HLA-DRB5: variants seen among roughly 807,000 people sequenced by gnomAD.
HLA-DRB5 encodes major histocompatibility complex, class II, DR beta 5, also known as DR beta-5.
A neutral mutation model predicts 22.4 loss-of-function variants in HLA-DRB5; 11 were observed. That is an observed-to-expected ratio of 0.49 (90% CI 0.31 to 0.81). HLA-DRB5 has a LOEUF of 0.81. Among genes scored for constraint, HLA-DRB5 ranks in the 40% least tolerant of loss-of-function variants. The pLI is 0.05. For synonymous variants in HLA-DRB5, 57 were observed against 106.0 expected (o/e 0.54, Z 2.84); for missense variants, 106 against 274.4 (o/e 0.39, Z 4.34).
chr6:32,529,385 GT>G (rs1770051917), intron 1 of HLA-DRB5, among the ~76,000 whole-genome samples: 1 of 36,626 alleles, frequency 2.7e-5, no homozygotes, highest in South Asian at 6.3e-4. Flanking sequence ...GTATAGAAAG[GT>G]TAAAAAAGAT....
At chr6:32,520,282 C>A (rs150400275) in intron 2 of HLA-DRB5, among the ~76,000 whole-genome samples, 1,043 of 36,888 alleles carry the variant, frequency 0.028, 27 homozygotes, top group Middle Eastern at 0.11. Flanking sequence ...ATAAAGGGAC[C>A]GAGTAGGGTA....
intron 4 of HLA-DRB5, 137 bp from the exon 5 acceptor site, chr6:32,518,214 G>T: frequency 5.4e-6 from 1 of 184,284 alleles, no homozygotes. Flanking sequence ...GCAGAGAGGA[G>T]CAGAAACAGA....
At chr6:32,523,804 A>C (rs115636862) in intron 1 of HLA-DRB5, among the ~76,000 whole-genome samples, 2 of 100,298 alleles carry the variant, frequency 2.0e-5, no homozygotes, top group South Asian at 2.8e-4. Context: ...TGAGTGTATA[A>C]AAGATGTGAG....
chr6:32,524,163 G>GGT (rs1562441891), intron 1 of HLA-DRB5, among the ~76,000 whole-genome samples: 4 of 63,636 alleles, frequency 6.3e-5, no homozygotes, highest in East Asian at 4.3e-4. Flanking sequence ...AAAAATATCT[G>GGT]TGAATATCTT....
intron 1 of HLA-DRB5, among the ~76,000 whole-genome samples, chr6:32,524,771 C>A (rs2150567402): frequency 1.0e-5 from 1 of 96,728 alleles, no homozygotes; most frequent in African/African-American, 4.1e-5. Flanking sequence ...ATGGCTAGCA[C>A]TGTAATCCAT....
At chr6:32,529,751 C>G (rs67773077) in intron 1 of HLA-DRB5, among the ~76,000 whole-genome samples, 46,752 of 115,818 alleles carry the variant, frequency 0.4, 4,748 homozygotes, top group Admixed American at 0.44. Context: ...TTGACTCCCA[C>G]AAAATTTTCA....
chr6:32,525,187 T>A (rs565684347), intron 1 of HLA-DRB5, among the ~76,000 whole-genome samples: 9,884 of 38,300 alleles, frequency 0.26, 4,135 homozygotes, highest in Middle Eastern at 0.32. Context: ...AAAACTCTCA[T>A]ATTCTAGAAT....
rs41562816 is a variant in HLA-DRB5 at position 32,522,015 on chromosome 6, G to T, written c.260C>A (p.Ala87Asp). The change falls in exon 2 of 6, where the codon GCT becomes GAT. Residue 87 changes from alanine to aspartate, a missense_variant. By Grantham distance (126) the Ala-to-Asp change is moderately radical. Transcript: ENST00000374975. ...GTCCTTCTGGCTGTTCCAGTACTCA[G>T]CGTCAGGCCGCCCCAGCTCCGTCAC... is the stretch of plus-strand genomic sequence containing the variant. ...RAVTELGRPD[A>D]EYWNSQKDFL... 61,287 of 1,483,490 alleles carry T rather than the reference G, an allele frequency of 0.041. 4,251 individuals carry two copies. Among genetic ancestry groups the T allele is most frequent in the Middle Eastern group, 0.089 (485 of 5,428 alleles). 91.9% of individuals were successfully genotyped at this position (1,483,490 alleles called of 1,614,324 possible).
At chr6:32,528,174 A>AGTT (rs1769843717) in intron 1 of HLA-DRB5, among the ~76,000 whole-genome samples, 1 of 64,298 alleles carries the variant, frequency 1.6e-5, no homozygotes, top group Non-Finnish European at 3.1e-5. Flanking sequence ...TCACTTTCTC[A>AGTT]AGTAGGGCTC....
intron 1 of HLA-DRB5, among the ~76,000 whole-genome samples, chr6:32,527,150 A>G (rs202113035): frequency 0.43 from 19,545 of 45,422 alleles, 6,249 homozygotes; most frequent in Admixed American, 0.49. Context: ...TAGTCTTCCT[A>G]ACCACTTGTC....
intron 1 of HLA-DRB5, 62 bp downstream of exon 1, chr6:32,530,058 ACAATG>A (rs1770180485): frequency 1.2e-6 from 1 of 821,702 alleles, no homozygotes. Flanking sequence ...TGGCCTGGGC[ACAATG>A]TTAACAAAAC....
intron 1 of HLA-DRB5, among the ~76,000 whole-genome samples, chr6:32,528,185 T>A (rs111344168): frequency 1.5e-5 from 1 of 67,892 alleles, no homozygotes; most frequent in South Asian, 4.2e-4. Flanking sequence ...AGTAGGGCTC[T>A]CTAGACATAT....
intron 1 of HLA-DRB5, among the ~76,000 whole-genome samples, chr6:32,524,543 G>A (rs75224370): frequency 0.73 from 54,500 of 74,572 alleles, 23,073 homozygotes; most frequent in Middle Eastern, 0.88. Flanking sequence ...AGAAAATGAC[G>A]TTCTCATACA....
chr6:32,526,324 A>ATG (rs1320150494), intron 1 of HLA-DRB5, among the ~76,000 whole-genome samples: 7 of 39,070 alleles, frequency 1.8e-4, no homozygotes, highest in South Asian at 6.0e-4. Context: ...CTTGACTTAC[A>ATG]CATATGATGT....
At chr6:32,523,131 A>T (rs112146790) in intron 1 of HLA-DRB5, among the ~76,000 whole-genome samples, 20,772 of 40,772 alleles carry the variant, frequency 0.51, 7,639 homozygotes, top group Middle Eastern at 0.7. Flanking sequence ...TATCAAAGAG[A>T]TTTAAGGAGA....
At chr6:32,522,964 AACT>A (rs879913672) in intron 1 of HLA-DRB5, among the ~76,000 whole-genome samples, 8,527 of 121,490 alleles carry the variant, frequency 0.07, 351 homozygotes, top group Admixed American at 0.11. Flanking sequence ...TGAATTGATG[AACT>A]TCTTCAAGAA....
chr6:32,524,209 G>C (rs113091576), intron 1 of HLA-DRB5, among the ~76,000 whole-genome samples: 24,071 of 106,664 alleles, frequency 0.23, 819 homozygotes, highest in Middle Eastern at 0.32. Flanking sequence ...TAGAATTCTG[G>C]TCCCAATACA....
intron 1 of HLA-DRB5, 84 bp from the exon 2 acceptor site, chr6:32,522,258 G>GC: frequency 2.0e-6 from 1 of 505,666 alleles, no homozygotes; most frequent in Non-Finnish European, 2.9e-6. Flanking sequence ...GGCTCCCTGG[G>GC]CGGGGTGCGG....
chr6:32,518,797 C>A, intron 3 of HLA-DRB5, 131 bp from the exon 4 acceptor site: 1 of 278,082 alleles, frequency 3.6e-6, no homozygotes, highest in Non-Finnish European at 6.1e-6. Flanking sequence ...CTAGCCATTT[C>A]TGGAGAAAAA....
Sources: gnomAD v4.1 joint callset for allele counts (sites outside exome capture counted in the v4.1 genomes callset) on GRCh38, gnomAD v4.1.1 for gene constraint, MANE v1.5 for transcripts, NCBI Gene and HGNC (gene_info 2026-07-23, HGNC 2026-07-21) for gene names.